The following ZNF585B variants were observed in gnomAD, a reference collection of about 807,000 sequenced individuals.
ZNF585B encodes zinc finger protein 41-like protein.
ZNF585B carries 7 observed loss-of-function variants against 14.0 expected under a neutral mutation model. That is an observed-to-expected ratio of 0.50 (90% confidence interval 0.28 to 0.94). The LOEUF is 0.94. Ranked by LOEUF, ZNF585B falls within the 40% of genes least tolerant of loss-of-function variation. The pLI, the probability that ZNF585B is intolerant of heterozygous loss-of-function variation, is 0.09. For synonymous variants in ZNF585B, 290 were observed against 317.3 expected (o/e 0.91, Z 0.91); for missense variants, 750 against 924.4 (o/e 0.81, Z 2.45).
rs774960837 is a variant in ZNF585B at position 37,185,889 on chromosome 19, A to T, written c.1648T>A (p.Tyr550Asn). Residue 550 changes from tyrosine to asparagine, a missense_variant, in exon 5 of 5, where the codon TAT becomes AAT. This residue lies in a region of ZNF585B where 233 missense variants were observed against 354.1 expected (regional missense o/e 0.66). Coordinates refer to ENST00000532828, the MANE Select transcript of ZNF585B (RefSeq NM_152279.4). ...GCTTTCCCACATTCGTGGCATTCAT[A>T]CTGTCTCTCTCCAGTGTGAATTTTC... is the stretch of plus-strand genomic sequence containing the variant. ...HQKIHTGERQ[Y>N]ECHECGKAFN... The T allele has an allele frequency of 1.2e-6, 2 of 1,613,850 alleles. No individual in the cohort carries two copies. The highest frequency in any genetic ancestry group is 1.7e-6 in the Non-Finnish European group (2 of 1,179,996).
intron 2 of ZNF585B, among the ~76,000 whole-genome samples, chr19:37,193,944 T>C (rs1972432614): frequency 6.6e-6 from 1 of 152,242 alleles, no homozygotes; most frequent in Non-Finnish European, 1.5e-5. Flanking sequence ...AAAGAATTAC[T>C]GTTATTTTGT....
At chr19:37,199,076 T>C in intron 2 of ZNF585B, 1 of 1,367,836 alleles carries the variant, frequency 7.3e-7, no homozygotes, top group South Asian at 1.3e-5. Context: ...ATACATGTTC[T>C]AATTTTTCTC....
At chr19:37,202,164 G>C (rs923421949) in intron 2 of ZNF585B, among the ~76,000 whole-genome samples, 1 of 151,928 alleles carries the variant, frequency 6.6e-6, no homozygotes, top group African/African-American at 2.4e-5. Flanking sequence ...ACAGGCGCCC[G>C]CCTAATTTTT....
rs1286183315 is a variant in ZNF585B, at chr19:37,186,079, T to C, written c.1458A>G (p.Lys486=). ...TNRSNLITHQ[K]THTGEKSYIC... ...TATAAGATTTCTCTCCTGTATGAGT[T>C]TTCTGATGTGTAATGAGATTTGACC... is the stretch of plus-strand genomic sequence containing the variant. Residue 486 remains lysine (K), a synonymous_variant, in exon 5 of 5, where the codon AAA becomes AAG. Coordinates refer to ENST00000532828, the MANE Select transcript of ZNF585B (RefSeq NM_152279.4). 1 of 1,614,014 alleles carries C rather than the reference T, an allele frequency of 6.2e-7. No homozygotes were observed. Among genetic ancestry groups the C allele is most frequent in the African/African-American group, 1.3e-5 (1 of 74,982 alleles).
At chr19:37,201,915 T>C (rs866238701) in intron 2 of ZNF585B, among the ~76,000 whole-genome samples, 2 of 152,230 alleles carry the variant, frequency 1.3e-5, no homozygotes, top group African/African-American at 2.4e-5. Context: ...TTTACTATTT[T>C]AGTTTTTAGA....
rs1258364486 is a variant in ZNF585B at position 37,189,562 on chromosome 19, T to A, written c.292+99A>T. On this transcript the variant is annotated intron_variant, in intron 4 of 4. Transcript: ENST00000532828. ...AATTCAGAGCCTTACTGAAGAGTGG[T>A]CTTAATAGCACTTCACAGGTTCCAG... The A allele has an allele frequency of 8.1e-6, 11 of 1,353,786 alleles. No homozygotes were observed. The East Asian group carries it at 2.4e-4, about 29-fold the overall frequency. The allele number at this position is 1,353,786 out of a possible 1,614,324, so 83.9% of individuals were successfully genotyped here. A position where few individuals can be genotyped will look rare whatever the true frequency, so the allele number is the denominator to read the frequency against.
chr19:37,188,499 A>G (rs915263270), intron 4 of ZNF585B, among the ~76,000 whole-genome samples: 3 of 152,030 alleles, frequency 2.0e-5, no homozygotes, highest in Non-Finnish European at 2.9e-5. Context: ...AAATAAATAA[A>G]TAAAAATAAA....
At position 37,184,364 on chromosome 19, in the gene ZNF585B, GA is replaced by G. The variant is rs1274310947; in HGVS notation, c.*862del. The G allele has an allele frequency of 4.1e-5, 1 of 24,586 alleles. No individual in the cohort carries two copies. Among genetic ancestry groups the G allele is most frequent in the African/African-American group, 3.5e-4 (1 of 2,862 alleles). The allele number at this position is 24,586 out of a possible 1,614,324, so 1.5% of individuals were successfully genotyped here. ...CAAGACTCTGTCTCAAAAAAAGAAA[GA>G]AAGAAAGAAAGAAAGAAAGAAAGAA... On this transcript the variant is annotated 3_prime_UTR_variant, in exon 5 of 5. Transcript: ENST00000532828.
At chr19:37,205,845 G>A (rs1339921028) in intron 2 of ZNF585B, among the ~76,000 whole-genome samples, 3 of 152,038 alleles carry the variant, frequency 2.0e-5, no homozygotes, top group Non-Finnish European at 4.4e-5. Flanking sequence ...TTGGGAGGCC[G>A]AAGCAGGTGG....
intron 2 of ZNF585B, among the ~76,000 whole-genome samples, chr19:37,202,934 C>T (rs977997876): frequency 1.3e-5 from 2 of 152,074 alleles, no homozygotes; most frequent in African/African-American, 4.8e-5. Flanking sequence ...TGAGCCACCA[C>T]GCCCAGCCCT....
At chr19:37,206,689 G>A (rs984343527) in intron 2 of ZNF585B, among the ~76,000 whole-genome samples, 1 of 152,174 alleles carries the variant, frequency 6.6e-6, no homozygotes, top group Non-Finnish European at 1.5e-5. Flanking sequence ...TTGTGTTTGA[G>A]GAGGTGGTTT....
intron 2 of ZNF585B, among the ~76,000 whole-genome samples, chr19:37,196,292 C>A (rs1303251540): frequency 6.6e-6 from 1 of 151,976 alleles, no homozygotes; most frequent in African/African-American, 2.4e-5. Flanking sequence ...CATGGGGGAA[C>A]CCTCTGTATC....
At chr19:37,202,159 C>G (rs1438667438) in intron 2 of ZNF585B, among the ~76,000 whole-genome samples, 2 of 151,700 alleles carry the variant, frequency 1.3e-5, no homozygotes, top group African/African-American at 4.8e-5. Flanking sequence ...GGATTACAGG[C>G]GCCCGCCTAA....
rs1972308832 is a variant in ZNF585B at position 37,184,506 on chromosome 19, G to GAAAGAA, written c.*715_*720dup. On this transcript the variant is annotated 3_prime_UTR_variant, in exon 5 of 5. Transcript: ENST00000532828. The stretch of plus-strand genomic sequence containing the variant: ...AAAGAAAGAAAGAAAGAAAGAAAGA[G>GAAAGAA]AAAGAAAGAAAGAAAAAGAAAAAAC... 7.3e-6 allele frequency: 1 copy of GAAAGAA among 136,786 alleles called. No homozygotes were observed. Among genetic ancestry groups the GAAAGAA allele is most frequent in the Non-Finnish European group, 1.6e-5 (1 of 62,782 alleles). The allele number at this position is 136,786 out of a possible 1,614,324, so 8.5% of individuals were successfully genotyped here.
chr19:37,185,193 C>G lies in ZNF585B; in HGVS notation c.*34G>C. On this transcript the variant is annotated 3_prime_UTR_variant, in exon 5 of 5. Transcript: ENST00000532828. ...GCGTGCAACAGTGTACAATCAGACC[C>G]AACCCTCAGGGGGGTTTTCTCACAC... 6.4e-7 allele frequency: 1 copy of G among 1,572,858 alleles called. No individual in the cohort carries two copies. The highest frequency in any genetic ancestry group is 1.3e-5 in the African/African-American group (1 of 74,100).
At chr19:37,187,267 A>G in intron 4 of ZNF585B, 23 bp from the exon 5 acceptor site, 1 of 1,516,412 alleles carries the variant, frequency 6.6e-7, no homozygotes, top group Non-Finnish European at 8.9e-7. Context: ...ATTCACAGTA[A>G]GTATAGAAAG....
In ZNF585B at chr19:37,184,413, AAAG is replaced by A. The variant is rs1568504807; in HGVS notation, c.*811_*813del. The A allele has an allele frequency of 0.027, 1,390 of 51,698 alleles. 113 individuals are homozygous for A. The highest frequency in any genetic ancestry group is 0.052 in the African/African-American group (582 of 11,248). The allele number at this position is 51,698 out of a possible 1,614,324, so 3.2% of individuals were successfully genotyped here. A position where few individuals can be genotyped will look rare whatever the true frequency, so the allele number is the denominator to read the frequency against. On this transcript the variant is annotated 3_prime_UTR_variant, in exon 5 of 5. Coordinates refer to ENST00000532828, the MANE Select transcript of ZNF585B (RefSeq NM_152279.4). ...GAAAGAAAGAAAGAAAGAAAGAAAGAAAGAGAAAGAAAGAAAAAGAAAGAAAGA... is the reference window on the plus strand; with the variant it reads ...GAAAGAAAGAAAGAAAGAAAGAAAGAAGAAAGAAAGAAAAAGAAAGAAAGA...
At position 37,197,154 on chromosome 19, in the gene ZNF585B, C is replaced by T. The variant is rs568935136; in HGVS notation, c.73-7004G>A. Among the ~76,000 whole-genome samples, 79 of 151,894 alleles carry T rather than the reference C, an allele frequency of 5.2e-4. 1 individual carries two copies. Among genetic ancestry groups the T allele is most frequent in the East Asian group, 1.9e-4 (1 of 5,164 alleles). On this transcript the variant is annotated intron_variant, in intron 2 of 4. Coordinates refer to ENST00000532828, the MANE Select transcript of ZNF585B (RefSeq NM_152279.4). Reference sequence around the variant, plus strand: ...CAGCCCCCCACCCCACAACAGGCCCCGGTGTGTGATGCTCCCCACCCTGTG... The same window carrying T: ...CAGCCCCCCACCCCACAACAGGCCCTGGTGTGTGATGCTCCCCACCCTGTG...
At chr19:37,209,903 G>A (rs1046331079) in intron 1 of ZNF585B, among the ~76,000 whole-genome samples, 3 of 151,782 alleles carry the variant, frequency 2.0e-5, no homozygotes, top group African/African-American at 7.2e-5. Flanking sequence ...TTTTAGTAGA[G>A]ACGGGGTTTC....
Sources: gnomAD v4.1 joint callset for allele counts (sites outside exome capture counted in the v4.1 genomes callset) on GRCh38, gnomAD v4.1.1 for gene constraint, gnomAD v4.1.1 regional missense constraint, MANE v1.5 for transcripts, NCBI Gene and HGNC (gene_info 2026-07-23, HGNC 2026-07-21) for gene names.